Variants in CSMD1 observed in about 807,000 individuals in gnomAD.
CSMD1 encodes the protein CUB and sushi domain-containing protein 1.
Under a neutral mutation model 417.5 loss-of-function variants are expected in CSMD1, and 213 were observed. The observed-to-expected ratio is 0.51, with a 90% CI of 0.46 to 0.57. The LOEUF (loss-of-function observed/expected upper bound fraction) is 0.57, where lower values mean the gene tolerates loss of function less well. Among genes scored for constraint, CSMD1 ranks in the 20% least tolerant of loss-of-function variants. The pLI, the probability that CSMD1 is intolerant of heterozygous loss-of-function variation, is 0.00. For synonymous variants in CSMD1, 2,862 were observed against 1,736.8 expected, an observed-to-expected ratio of 1.65 and a Z score of -16.11; for missense variants, 6,923 against 4,529.7, an observed-to-expected ratio of 1.53 and a Z score of -15.17.
At chr8:3,234,217 A>T (rs543430849) in intron 26 of CSMD1, among the ~76,000 whole-genome samples, 1 of 152,156 alleles carries the variant, frequency 6.6e-6, no homozygotes, top group African/African-American at 2.4e-5. Context: ...TCTGCATTTC[A>T]TATCAACCGG....
chr8:3,989,653 T>C (rs952808086), intron 5 of CSMD1, among the ~76,000 whole-genome samples: 2 of 152,264 alleles, frequency 1.3e-5, no homozygotes, highest in African/African-American at 2.4e-5. Context: ...CTTTATGATG[T>C]ATATGTTTAT....
chr8:4,462,059 G>C (rs929463544), intron 2 of CSMD1, among the ~76,000 whole-genome samples: 1 of 151,622 alleles, frequency 6.6e-6, no homozygotes, highest in African/African-American at 2.4e-5. Context: ...ATTTTTTATA[G>C]GGATGAAGTC....
intron 3 of CSMD1, among the ~76,000 whole-genome samples, chr8:4,191,125 G>A (rs1405973859): frequency 6.6e-6 from 1 of 152,160 alleles, no homozygotes; most frequent in African/African-American, 2.4e-5. Flanking sequence ...GGCCAGGCGA[G>A]GTAGCTCATG....
intron 12 of CSMD1, among the ~76,000 whole-genome samples, chr8:3,413,128 G>A (rs961517141): frequency 2.0e-5 from 3 of 152,084 alleles, no homozygotes; most frequent in African/African-American, 7.2e-5. Flanking sequence ...TAAGATTCAT[G>A]GAAATTACCT....
At chr8:3,950,450 A>T (rs1342663831) in intron 5 of CSMD1, among the ~76,000 whole-genome samples, 1 of 152,188 alleles carries the variant, frequency 6.6e-6, no homozygotes, top group African/African-American at 2.4e-5. Context: ...TCTCCAACGC[A>T]TGAGTGGTTC....
intron 50 of CSMD1, among the ~76,000 whole-genome samples, chr8:3,035,575 C>T (rs566782912): frequency 2.6e-4 from 40 of 152,212 alleles, no homozygotes; most frequent in Middle Eastern, 6.8e-3. Flanking sequence ...GGAATTGAAT[C>T]GACAAGAGCT....
At chr8:4,047,045 G>C (rs1287610101) in intron 3 of CSMD1, among the ~76,000 whole-genome samples, 1 of 152,166 alleles carries the variant, frequency 6.6e-6, no homozygotes, top group Non-Finnish European at 1.5e-5. Flanking sequence ...AACACCTGGA[G>C]TCCAAATGAA....
At chr8:3,730,298 G>T (rs4350006) in intron 6 of CSMD1, among the ~76,000 whole-genome samples, 1 of 151,128 alleles carries the variant, frequency 6.6e-6, no homozygotes, top group Non-Finnish European at 1.5e-5. Context: ...CCCTGACTCA[G>T]CCATTCCTTC....
At chr8:4,806,534 C>G (rs751748460) in intron 1 of CSMD1, among the ~76,000 whole-genome samples, 2 of 152,302 alleles carry the variant, frequency 1.3e-5, no homozygotes, top group South Asian at 4.1e-4. Flanking sequence ...TTTCCTGCCA[C>G]CGTGCTACTA....
chr8:3,634,120 A>T (rs896481342), intron 7 of CSMD1, among the ~76,000 whole-genome samples: 2 of 152,126 alleles, frequency 1.3e-5, no homozygotes, highest in African/African-American at 4.8e-5. Context: ...TTGGTTCTTG[A>T]CCTGATGCTG....
chr8:3,477,479 G>T (rs1369195474), intron 11 of CSMD1, among the ~76,000 whole-genome samples: 1 of 152,188 alleles, frequency 6.6e-6, no homozygotes, highest in African/African-American at 2.4e-5. Context: ...GTAGACACAG[G>T]GTGAGCTGGA....
chr8:4,992,392 G>C (rs988251989), intron 1 of CSMD1, among the ~76,000 whole-genome samples: 1 of 152,242 alleles, frequency 6.6e-6, no homozygotes, highest in Admixed American at 6.5e-5. Context: ...GGAGCGTGCG[G>C]AACTCGAGGG....
At chr8:3,984,415 G>T (rs71521899) in intron 5 of CSMD1, among the ~76,000 whole-genome samples, 4,200 of 151,930 alleles carry the variant, frequency 0.028, 77 homozygotes, top group South Asian at 0.048. Context: ...AGTACTTTTG[G>T]TTCTAAGATA....
rs1770897279 is a variant in CSMD1 at position 3,359,053 on chromosome 8, G to A, written c.3304+99C>T. On this transcript the variant is annotated intron_variant, in intron 21 of 69. Coordinates refer to ENST00000635120, the MANE Select transcript of CSMD1 (RefSeq NM_033225.6). ...CCACACTTTCACCCTCTCCTTCCTT[G>A]TCAACAAACCCCCACCCGACCCCGA... 22 of 1,130,642 alleles carry A rather than the reference G, an allele frequency of 1.9e-5. 2 individuals carry two copies. In the Admixed American group the frequency reaches 3.9e-4, roughly 20 times the overall value. 70.0% of individuals were successfully genotyped at this position (1,130,642 alleles called of 1,614,324 possible). A position where few individuals can be genotyped will look rare whatever the true frequency, so the allele number is the denominator to read the frequency against.
At chr8:4,638,548 G>A (rs749038763) in intron 1 of CSMD1, among the ~76,000 whole-genome samples, 1 of 152,202 alleles carries the variant, frequency 6.6e-6, no homozygotes, top group Non-Finnish European at 1.5e-5. Flanking sequence ...GTTCACACAG[G>A]CAGGACTTAG....
rs1819640258 is a variant in CSMD1, at chr8:3,157,984, A to G, written c.5845-18T>C. The G allele has an allele frequency of 1.3e-6, 2 of 1,544,408 alleles. No homozygotes were observed. The highest frequency in any genetic ancestry group is 8.8e-7 in the Non-Finnish European group (1 of 1,140,454). On this transcript the variant is annotated intron_variant, in intron 38 of 69. Coordinates refer to ENST00000635120, the MANE Select transcript of CSMD1 (RefSeq NM_033225.6). The stretch of plus-strand genomic sequence containing the variant: ...GAACGGCCCTGTTTAAAAGAAAACA[A>G]AAGAAAATACATATAACTAAAAACA...
intron 1 of CSMD1, among the ~76,000 whole-genome samples, chr8:4,878,292 C>A (rs533279278): frequency 1.2e-4 from 18 of 152,124 alleles, no homozygotes; most frequent in African/African-American, 3.9e-4. Context: ...CAACTTAACA[C>A]AACGCGAGGC....
At chr8:3,388,459 C>G (rs182557791) in intron 17 of CSMD1, among the ~76,000 whole-genome samples, 1 of 152,026 alleles carries the variant, frequency 6.6e-6, no homozygotes, top group East Asian at 1.9e-4. Flanking sequence ...ATAAAAAATC[C>G]TTGTTATTGC....
intron 5 of CSMD1, among the ~76,000 whole-genome samples, chr8:3,920,449 T>G (rs1023870931): frequency 2.6e-5 from 4 of 152,078 alleles, no homozygotes; most frequent in African/African-American, 9.7e-5. Flanking sequence ...ACTTCTTACT[T>G]TCCAATTTGA....
Sources: allele counts gnomAD v4.1 joint callset (sites outside exome capture counted in the v4.1 genomes callset), GRCh38; gene constraint gnomAD v4.1.1; transcripts MANE v1.5; gene names NCBI Gene and HGNC (gene_info 2026-07-23, HGNC 2026-07-21).